FGGY: variants seen among roughly 807,000 people sequenced by gnomAD.
FGGY encodes the protein FGGY carbohydrate kinase domain-containing protein.
Under a neutral mutation model 71.3 loss-of-function variants are expected in FGGY, and 72 were observed. The ratio of observed to expected loss-of-function variants is 1.01; its 90% confidence interval spans 0.84 to 1.23. The LOEUF is 1.23. FGGY is among the 50% of genes most tolerant of loss of function. The pLI is 0.00. For missense variants in FGGY, 668 were observed against 682.3 expected (o/e 0.98, Z 0.23); for synonymous variants, 251 against 250.3 (o/e 1.00, Z -0.02).
At chr1:59,576,665 G>GAC (rs1204594891) in intron 8 of FGGY, among the ~76,000 whole-genome samples, 29 of 134,536 alleles carry the variant, frequency 2.2e-4, no homozygotes, top group African/African-American at 8.0e-4. Context: ...CAGACAGACA[G>GAC]ACAGACAGAC....
At chr1:59,394,490 C>T (rs1040418734) in intron 5 of FGGY, among the ~76,000 whole-genome samples, 2 of 152,138 alleles carry the variant, frequency 1.3e-5, no homozygotes, top group Non-Finnish European at 2.9e-5. Flanking sequence ...TTCTGCACTT[C>T]ATTGTCTTAT....
intron 5 of FGGY, among the ~76,000 whole-genome samples, chr1:59,415,957 T>C (rs1204785077): frequency 2.0e-5 from 3 of 152,226 alleles, no homozygotes; most frequent in Non-Finnish European, 4.4e-5. Flanking sequence ...TTGAACCAAC[T>C]ATACCCATGG....
intron 14 of FGGY, among the ~76,000 whole-genome samples, chr1:59,714,879 T>G (rs904696278): frequency 6.9e-4 from 105 of 152,254 alleles, no homozygotes; most frequent in African/African-American, 2.4e-3. Flanking sequence ...TCTTTGCTGA[T>G]ACTGGCTTCA....
rs567604936 is a variant in FGGY, at chr1:59,702,770, G to A, written c.1512+28637G>A. On this transcript the variant is annotated intron_variant, in intron 14 of 15. Transcript: ENST00000303721. ...TAGTCTCTATCAGCTCTAGAATTTT[G>A]TGTTCATCTTAGTTATACCTGCTGA... Among the ~76,000 whole-genome samples the A allele has an allele frequency of 3.3e-5, 5 of 152,252 alleles. No individual in the cohort carries two copies. In the East Asian group the frequency reaches 9.6e-4, roughly 29 times the overall value.
At chr1:59,330,191 G>A (rs902563837) in intron 2 of FGGY, among the ~76,000 whole-genome samples, 1 of 151,964 alleles carries the variant, frequency 6.6e-6, no homozygotes, top group African/African-American at 2.4e-5. Context: ...TTCACTTTTT[G>A]GATTAATGTA....
At position 59,480,363 on chromosome 1, in the gene FGGY, G is replaced by A. The variant is rs118061144; in HGVS notation, c.670+23287G>A. 3.2e-3 allele frequency among the ~76,000 whole-genome samples: 482 copies of A among 152,228 alleles called. 12 individuals carry two copies. The East Asian group carries it at 0.047, about 15-fold the overall frequency. On this transcript the variant is annotated intron_variant, in intron 6 of 15. Coordinates refer to ENST00000303721, the MANE Select transcript of FGGY (RefSeq NM_018291.5). ...TCTCACCGCAAGATCTGCTCTCATGGTCTTGTTTTGCTTCCAGTATCGAGT... is the reference window on the plus strand; with the variant it reads ...TCTCACCGCAAGATCTGCTCTCATGATCTTGTTTTGCTTCCAGTATCGAGT...
intron 7 of FGGY, among the ~76,000 whole-genome samples, chr1:59,551,638 G>A (rs768502329): frequency 3.9e-5 from 6 of 152,012 alleles, no homozygotes; most frequent in Non-Finnish European, 8.8e-5. Flanking sequence ...AGTCTTGGTG[G>A]GGAAGAACCA....
chr1:59,476,470 T>A lies in FGGY; in HGVS notation c.670+19394T>A, dbSNP rs141884152. 7.8e-3 allele frequency among the ~76,000 whole-genome samples: 1,185 copies of A among 152,328 alleles called. 16 individuals carry two copies. The highest frequency in any genetic ancestry group is 0.027 in the African/African-American group (1,133 of 41,566). On this transcript the variant is annotated intron_variant, in intron 6 of 15. Coordinates refer to ENST00000303721, the MANE Select transcript of FGGY (RefSeq NM_018291.5). ...TCCAGATCCTGCACATCTGTCCATG[T>A]AGCTGCAGTCTCCTGGCCTGGGCTG...
chr1:59,326,360 G>A (rs1209754228), intron 2 of FGGY, among the ~76,000 whole-genome samples: 1 of 152,208 alleles, frequency 6.6e-6, no homozygotes, highest in East Asian at 1.9e-4. Context: ...GTGGTTGTGG[G>A]GAGGGGGACA....
intron 7 of FGGY, among the ~76,000 whole-genome samples, chr1:59,533,083 C>T (rs1387373272): frequency 1.3e-5 from 2 of 152,186 alleles, no homozygotes; most frequent in Non-Finnish European, 2.9e-5. Flanking sequence ...TCTGCATTTC[C>T]GTCTGAGGTA....
At chr1:59,543,874 A>G (rs1324786158) in intron 7 of FGGY, among the ~76,000 whole-genome samples, 1 of 152,186 alleles carries the variant, frequency 6.6e-6, no homozygotes, top group Admixed American at 6.5e-5. Flanking sequence ...AATTTTATAA[A>G]TGAGACCATT....
chr1:59,533,609 T>A (rs1378862906), intron 7 of FGGY, among the ~76,000 whole-genome samples: 1 of 152,188 alleles, frequency 6.6e-6, no homozygotes, highest in East Asian at 1.9e-4. Flanking sequence ...CTGACAGCTT[T>A]GAAGAGAGCA....
intron 14 of FGGY, among the ~76,000 whole-genome samples, chr1:59,712,141 T>C (rs183214794): frequency 6.6e-6 from 1 of 151,922 alleles, no homozygotes; most frequent in African/African-American, 2.4e-5. Flanking sequence ...AAACAAAGGG[T>C]CTACAGGCCC....
intron 2 of FGGY, among the ~76,000 whole-genome samples, chr1:59,324,266 CTTTTTTTTTTT>C (rs71046329): frequency 6.4e-5 from 5 of 78,106 alleles, no homozygotes; most frequent in Admixed American, 1.5e-4. Flanking sequence ...ATAATAACTA[CTTTTTTTTTTT>C]TTTTTTTTTT....
At chr1:59,407,618 A>T (rs2062962502) in intron 5 of FGGY, among the ~76,000 whole-genome samples, 1 of 152,098 alleles carries the variant, frequency 6.6e-6, no homozygotes, top group Admixed American at 6.5e-5. Flanking sequence ...CTTCCCTAGG[A>T]TATAATTTTT....
chr1:59,464,123 A>G (rs1001247178), intron 6 of FGGY, among the ~76,000 whole-genome samples: 2 of 152,122 alleles, frequency 1.3e-5, no homozygotes, highest in African/African-American at 4.8e-5. Flanking sequence ...AAGTAAAGCA[A>G]TCCTCCGCAA....
At chr1:59,641,684 C>T (rs561639188) in intron 11 of FGGY, among the ~76,000 whole-genome samples, 4 of 152,058 alleles carry the variant, frequency 2.6e-5, no homozygotes, top group South Asian at 4.1e-4. Flanking sequence ...TGTAAAAATG[C>T]AAAAAAGTCA....
Position 59,498,684 on chromosome 1 carries a change from T to A in FGGY, c.671-13627T>A, listed in dbSNP as rs79396943. ...GCTGTTCATGCTGCCATCCTAGCAC[T>A]TGAGCATTTTTCCCAATATGTGTAT... On this transcript the variant is annotated intron_variant, in intron 6 of 15. Coordinates refer to ENST00000303721, the MANE Select transcript of FGGY (RefSeq NM_018291.5). Among the ~76,000 whole-genome samples, 708 of 152,336 alleles carry A rather than the reference T, an allele frequency of 4.6e-3. 5 individuals are homozygous for A. Among genetic ancestry groups the A allele is most frequent in the African/African-American group, 0.015 (643 of 41,566 alleles).
At chr1:59,647,007 T>C (rs1034696627) in intron 11 of FGGY, among the ~76,000 whole-genome samples, 1 of 152,204 alleles carries the variant, frequency 6.6e-6, no homozygotes, top group Admixed American at 6.5e-5. Flanking sequence ...TTATCTTTCC[T>C]ATATACACTA....
Sources: allele counts gnomAD v4.1 joint callset (sites outside exome capture counted in the v4.1 genomes callset), GRCh38; gene constraint gnomAD v4.1.1; transcripts MANE v1.5; gene names NCBI Gene and HGNC (gene_info 2026-07-23, HGNC 2026-07-21).